COL4A1: variants seen among roughly 807,000 people sequenced by gnomAD.
COL4A1 encodes collagen alpha-1(IV) chain.
A neutral mutation model predicts 216.6 loss-of-function variants in COL4A1; 40 were observed. The observed-to-expected ratio is 0.18, with a 90% CI of 0.14 to 0.24. The LOEUF is 0.24. COL4A1 is among the 10% of genes least tolerant of loss of function. COL4A1 has a pLI of 1.00. For missense variants in COL4A1, 1,628 were observed against 2,196.8 expected (o/e 0.74, Z 5.18); for synonymous variants, 839 against 810.7 (o/e 1.03, Z -0.59).
chr13:110,287,372 A>C (rs1469332554), intron 1 of COL4A1, among the ~76,000 whole-genome samples: 2 of 152,174 alleles, frequency 1.3e-5, no homozygotes, highest in Non-Finnish European at 1.5e-5. Flanking sequence ...TGCAAATCTA[A>C]ATACTCCCCT....
intron 2 of COL4A1, among the ~76,000 whole-genome samples, chr13:110,233,036 G>C (rs533823352): frequency 3.5e-4 from 53 of 152,310 alleles, no homozygotes; most frequent in African/African-American, 1.3e-3. Context: ...AGGCATAGGG[G>C]AGCCAGCGAC....
chr13:110,198,078 G>GGTGTGT (rs35751015), intron 21 of COL4A1, among the ~76,000 whole-genome samples: 12,616 of 141,824 alleles, frequency 0.089, 654 homozygotes, highest in Non-Finnish European at 0.11. Context: ...TTGTTTCTGG[G>GGTGTGT]GTGTGTGTGT....
At chr13:110,251,644 C>G (rs563579703) in intron 1 of COL4A1, among the ~76,000 whole-genome samples, 1 of 152,232 alleles carries the variant, frequency 6.6e-6, no homozygotes, top group Non-Finnish European at 1.5e-5. Context: ...AGGTAGGGCA[C>G]ACTTCAGCTG....
chr13:110,177,435 T>G (rs1424567313), intron 33 of COL4A1, among the ~76,000 whole-genome samples: 1 of 152,242 alleles, frequency 6.6e-6, no homozygotes, highest in Non-Finnish European at 1.5e-5. Flanking sequence ...TTTACAGTAT[T>G]TCTTTGTAAA....
intron 26 of COL4A1, 42 bp from the exon 27 acceptor site, chr13:110,183,318 G>A: frequency 1.3e-6 from 2 of 1,574,912 alleles, no homozygotes; most frequent in Non-Finnish European, 1.7e-6. Flanking sequence ...GAAGGAATGA[G>A]GACCACACGG....
rs1250826679 is a variant in COL4A1, at chr13:110,149,487, T to C, written c.*876A>G. ...GCTCAAAGTACATGTTTCACTATAATAGACACCATATTCATGAACCTGGGT... is the reference window on the plus strand; with the variant it reads ...GCTCAAAGTACATGTTTCACTATAACAGACACCATATTCATGAACCTGGGT... On this transcript the variant is annotated 3_prime_UTR_variant, in exon 52 of 52. Transcript: ENST00000375820. 2 of 152,752 alleles carry C rather than the reference T, an allele frequency of 1.3e-5. No individual in the cohort carries two copies. The highest frequency in any genetic ancestry group is 3.8e-4 in the East Asian group (2 of 5,206). 9.5% of individuals were successfully genotyped at this position (152,752 alleles called of 1,614,324 possible).
intron 28 of COL4A1, 122 bp downstream of exon 28, chr13:110,182,871 C>T: frequency 1.1e-6 from 1 of 900,348 alleles, no homozygotes; most frequent in Non-Finnish European, 1.7e-6. Flanking sequence ...TGCTTGGGCT[C>T]TTCTGAAAGC....
rs375986717 is a variant in COL4A1, at chr13:110,268,498, G to A, written c.85-25764C>T. Among the ~76,000 whole-genome samples, 32 of 152,366 alleles carry A rather than the reference G, an allele frequency of 2.1e-4. No individual in the cohort carries two copies. The South Asian group carries it at 6.4e-3, about 31-fold the overall frequency. On this transcript the variant is annotated intron_variant, in intron 1 of 51. Coordinates refer to ENST00000375820, the MANE Select transcript of COL4A1 (RefSeq NM_001845.6). The surrounding 1 kb of genome is among the most constrained non-coding windows in gnomAD (Gnocchi z 4.1). Reference sequence around the variant, plus strand: ...AAATGTGTCGAGTAAAAGAATGACAGTAGGATAACATTCACTGCTGTGCCA... The same window carrying A: ...AAATGTGTCGAGTAAAAGAATGACAATAGGATAACATTCACTGCTGTGCCA...
intron 46 of COL4A1, among the ~76,000 whole-genome samples, 153 bp downstream of exon 46, chr13:110,164,709 G>A (rs1408698604): frequency 6.6e-6 from 1 of 152,168 alleles, no homozygotes; most frequent in Non-Finnish European, 1.5e-5. Context: ...CATAGGTTTT[G>A]ATATGCATTG....
At chr13:110,181,016 T>C (rs1878128142) in intron 29 of COL4A1, among the ~76,000 whole-genome samples, 1 of 152,240 alleles carries the variant, frequency 6.6e-6, no homozygotes, top group Non-Finnish European at 1.5e-5. Context: ...AAACATATTT[T>C]ACCCTGAGTT....
Position 110,288,274 on chromosome 13 carries a change from A to AAATAAT in COL4A1, c.84+18664_84+18669dup, listed in dbSNP as rs1555316112. Among the ~76,000 whole-genome samples, 7 of 139,462 alleles carry AAATAAT rather than the reference A, an allele frequency of 5.0e-5. No homozygotes were observed. In the South Asian group the frequency reaches 6.9e-4, roughly 14 times the overall value. 91.5% of individuals were successfully genotyped at this position (139,462 alleles called of 152,430 possible). On this transcript the variant is annotated intron_variant, in intron 1 of 51. Transcript: ENST00000375820. The stretch of plus-strand genomic sequence containing the variant: ...CGAAACTCCCTCTCAAAAAAAAAAA[A>AAATAAT]AATAATAATAATAATAATAATAATT...
At chr13:110,300,139 A>C (rs1286130570) in intron 1 of COL4A1, among the ~76,000 whole-genome samples, 1 of 152,232 alleles carries the variant, frequency 6.6e-6, no homozygotes, top group East Asian at 1.9e-4. Flanking sequence ...TGTTTATTTA[A>C]TAAATATGAA....
intron 21 of COL4A1, among the ~76,000 whole-genome samples, chr13:110,196,087 C>T (rs1878874064): frequency 6.6e-6 from 1 of 152,236 alleles, no homozygotes; most frequent in Non-Finnish European, 1.5e-5. Context: ...AGATCCCACA[C>T]CTTGTTTGAT....
intron 26 of COL4A1, among the ~76,000 whole-genome samples, 158 bp from the exon 27 acceptor site, chr13:110,183,434 G>A (rs1878268421): frequency 6.6e-6 from 1 of 152,174 alleles, no homozygotes; most frequent in Non-Finnish European, 1.5e-5. Context: ...TTCTTCCCTT[G>A]GTGTTTCTAG....
intron 1 of COL4A1, among the ~76,000 whole-genome samples, chr13:110,284,620 C>T (rs985735391): frequency 5.3e-5 from 8 of 152,184 alleles, no homozygotes; most frequent in Non-Finnish European, 5.9e-5. Context: ...CTTCCTAACA[C>T]AGATAGAGCA....
chr13:110,210,363 G>T, intron 8 of COL4A1, 151 bp from the exon 9 acceptor site: 1 of 765,920 alleles, frequency 1.3e-6, no homozygotes, highest in Non-Finnish European at 2.2e-6. Flanking sequence ...TCAATAGCCT[G>T]GCCATCTCTC....
intron 26 of COL4A1, among the ~76,000 whole-genome samples, chr13:110,185,960 C>T (rs574041227): frequency 6.6e-6 from 1 of 152,310 alleles, no homozygotes. Context: ...GCTGTAGGAC[C>T]TCTAAATCCA....
In COL4A1 at chr13:110,181,943, C is replaced by T. The variant is rs914859797; in HGVS notation, c.2096-554G>A. 5.9e-5 allele frequency among the ~76,000 whole-genome samples: 9 copies of T among 152,160 alleles called. No individual in the cohort carries two copies. The East Asian group carries it at 7.7e-4, about 13-fold the overall frequency. On this transcript the variant is annotated intron_variant, in intron 28 of 51. Coordinates refer to ENST00000375820, the MANE Select transcript of COL4A1 (RefSeq NM_001845.6). The stretch of plus-strand genomic sequence containing the variant: ...CCTTTGTATGCAACACTGAGGTCTC[C>T]GATGTCCAGTAATTTGTAAGTTTGC...
chr13:110,261,027 ACTCCGTCTC>A, intron 1 of COL4A1, among the ~76,000 whole-genome samples: 1 of 119,978 alleles, frequency 8.3e-6, no homozygotes, highest in African/African-American at 3.1e-5. Context: ...ACAGAGCGAG[ACTCCGTCTC>A]AAAAAAAAAA....
Sources: gnomAD v4.1 joint callset for allele counts (sites outside exome capture counted in the v4.1 genomes callset) on GRCh38, gnomAD v4.1.1 for gene constraint, Gnocchi (gnomAD v3.1) non-coding constraint, MANE v1.5 for transcripts, NCBI Gene and HGNC (gene_info 2026-07-23, HGNC 2026-07-21) for gene names.